Variants in C3 observed in about 807,000 individuals in gnomAD.
C3 encodes the protein complement C3, also known as C3 and PZP-like alpha-2-macroglobulin domain-containing protein 1.
Under a neutral mutation model 207.9 loss-of-function variants are expected in C3, and 97 were observed. That is an observed-to-expected ratio of 0.47 (90% confidence interval 0.40 to 0.55). The LOEUF is 0.55. C3 is among the 20% of genes least tolerant of loss of function. The pLI is 0.00. For missense variants in C3, 1,684 were observed against 2,171.7 expected (o/e 0.78, Z 4.46); for synonymous variants, 848 against 857.6 (o/e 0.99, Z 0.20).
At chr19:6,693,277 G>A (rs985371314) in intron 25 of C3, 135 bp downstream of exon 25, 4 of 1,086,486 alleles carry the variant, frequency 3.7e-6, no homozygotes, top group East Asian at 5.1e-5. Flanking sequence ...CTCAGCCAGC[G>A]CTTGCCTGGA....
At chr19:6,687,411 G>C (rs1390788946) in intron 27 of C3, among the ~76,000 whole-genome samples, 1 of 152,036 alleles carries the variant, frequency 6.6e-6, no homozygotes, top group Non-Finnish European at 1.5e-5. Context: ...CACTTACTTT[G>C]TGTCATTCAG....
chr19:6,709,615 A>ACCCCCCCCCCCCCCCCCCCC, intron 14 of C3, 69 bp downstream of exon 14: 1 of 403,612 alleles, frequency 2.5e-6, no homozygotes, highest in South Asian at 2.5e-5. Flanking sequence ...CTCCAGTCCC[A>ACCCCCCCCCCCCCCCCCCCC]CCCACCTCCC....
chr19:6,689,335 C>A (rs141412883), intron 27 of C3, among the ~76,000 whole-genome samples: 18,450 of 59,128 alleles, frequency 0.31, 2,991 homozygotes, highest in African/African-American at 0.4. Flanking sequence ...CTACCTCCCT[C>A]CCTCCCTCCC....
chr19:6,714,147 C>A lies in C3; in HGVS notation c.682+19G>T. ...AGGCGTTCTGGGCACTGACTCCCCC[C>A]AGCCCCTCCTCCTCTTACCGTACTC... On this transcript the variant is annotated intron_variant, in intron 6 of 40. Coordinates refer to ENST00000245907, the MANE Select transcript of C3 (RefSeq NM_000064.4). 1.2e-6 allele frequency: 2 copies of A among 1,612,910 alleles called. No individual in the cohort carries two copies. Among genetic ancestry groups the A allele is most frequent in the Middle Eastern group, 1.7e-4 (1 of 6,054 alleles).
chr19:6,700,615 AAT>A (rs1199755371), intron 19 of C3, among the ~76,000 whole-genome samples: 1 of 48,072 alleles, frequency 2.1e-5, no homozygotes, highest in South Asian at 7.1e-4. Flanking sequence ...TTATATATGT[AAT>A]ATATAATATA....
At position 6,697,380 on chromosome 19, in the gene C3, G is replaced by T; in HGVS notation, c.2760C>A (p.Phe920Leu). 3 of 1,614,100 alleles carry T rather than the reference G, an allele frequency of 1.9e-6. No individual in the cohort carries two copies. The highest frequency in any genetic ancestry group is 2.5e-6 in the Non-Finnish European group (3 of 1,180,002). ...GGGACTTCCTGACACCGTCACTGAT[G>T]AAATGATGGTAGACAGCAGCCTTGA... Reference protein sequence around the residue: ...VEVKAAVYHHFISDGVRKSLK... With the variant: ...VEVKAAVYHHLISDGVRKSLK... The change falls in exon 21 of 41, where the codon TTC (phenylalanine) becomes TTA (leucine). Residue 920 changes from phenylalanine (F) to leucine (L), a missense_variant. By Grantham distance (22) the Phe-to-Leu change is conservative (BLOSUM62 0). Around this residue, in one of 3 missense-constraint regions of C3, gnomAD observed 1,280 missense variants for 1,739.1 expected, o/e 0.74. Transcript: ENST00000245907.
intron 19 of C3, among the ~76,000 whole-genome samples, chr19:6,700,847 AATATT>A (rs1967658939): frequency 6.8e-6 from 1 of 146,626 alleles, no homozygotes; most frequent in African/African-American, 2.5e-5. Context: ...TATATAAATA[AATATT>A]ATAATTAAAT....
rs752376582 is a variant in C3 at position 6,702,099 on chromosome 19, C to T, written c.2440+28G>A. The T allele has an allele frequency of 1.1e-5, 15 of 1,323,376 alleles. No homozygotes were observed. The South Asian group carries it at 1.3e-4, about 11-fold the overall frequency. The allele number at this position is 1,323,376 out of a possible 1,614,324, so 82.0% of individuals were successfully genotyped here. A position where few individuals can be genotyped will look rare whatever the true frequency, so the allele number is the denominator to read the frequency against. On this transcript the variant is annotated intron_variant, in intron 19 of 40. Transcript: ENST00000245907. ...TCAGACACCCTGGGGTCCCTGCCTC[C>T]CGGGGACCAGCCAGCATCCTCTCTC...
At chr19:6,696,843 C>T (rs191268953) in intron 21 of C3, among the ~76,000 whole-genome samples, 184 bp from the exon 22 acceptor site, 188 of 151,540 alleles carry the variant, frequency 1.2e-3, no homozygotes, top group African/African-American at 4.3e-3. Flanking sequence ...AGATCGAGAC[C>T]ATCCTGGCTA....
rs1267686755 is a variant in C3 at position 6,708,047 on chromosome 19, C to T, written c.1846-118G>A. On this transcript the variant is annotated intron_variant, in intron 14 of 40. Coordinates refer to ENST00000245907, the MANE Select transcript of C3 (RefSeq NM_000064.4). Reference sequence around the variant, plus strand: ...CCCCACCCTGTCCCACTCTCATCTCCCCCATTCCTGCTTCTGCCCTTCCTT... The same window carrying T: ...CCCCACCCTGTCCCACTCTCATCTCTCCCATTCCTGCTTCTGCCCTTCCTT... 3.5e-6 allele frequency: 4 copies of T among 1,144,870 alleles called. No homozygotes were observed. The Admixed American group carries it at 5.5e-5, about 16-fold the overall frequency. The allele number at this position is 1,144,870 out of a possible 1,614,324, so 70.9% of individuals were successfully genotyped here.
chr19:6,694,807 G>C (rs905907482), intron 23 of C3, among the ~76,000 whole-genome samples, 173 bp from the exon 24 acceptor site: 15 of 152,134 alleles, frequency 9.9e-5, no homozygotes, highest in African/African-American at 3.4e-4. Context: ...GTGGCTGTTC[G>C]GGGGTCTGCA....
chr19:6,693,453 G>A lies in C3; in HGVS notation c.3189C>T (p.Ser1063=). Residue 1063 remains serine (S), a synonymous_variant, in exon 25 of 41, where the codon AGC becomes AGT. Coordinates refer to ENST00000245907, the MANE Select transcript of C3 (RefSeq NM_000064.4). ...GTTTCACGAAGGCCGCAAAGGCAGA[G>A]CTGGGTTGTCTGAAGGCCAGCTGCT... The part of the protein sequence containing the change: ...YTQQLAFRQP[S]SAFAAFVKRA... The A allele has an allele frequency of 1.2e-6, 2 of 1,612,790 alleles. No individual in the cohort carries two copies. Among genetic ancestry groups the A allele is most frequent in the South Asian group, 2.2e-5 (2 of 90,830 alleles).
Position 6,720,573 on chromosome 19 carries a change from C to G in C3, c.17G>C (p.Gly6Ala). 6.3e-7 allele frequency: 1 copy of G among 1,584,078 alleles called. No homozygotes were observed. Among genetic ancestry groups the G allele is most frequent in the East Asian group, 2.3e-5 (1 of 43,678 alleles). The change falls in exon 1 of 41, where the codon GGT becomes GCT. Residue 6 changes from glycine (G) to alanine (A), a missense_variant. Transcript: ENST00000245907. The stretch of plus-strand genomic sequence containing the variant: ...TAGTAGCAGGAGCAGCAGGCTGGGA[C>G]CTGAGGTGGGTCCCATGGTGCTGGG... Reference protein sequence around the residue: MGPTSGPSLLLLLLTH... With the variant: MGPTSAPSLLLLLLTH...
At chr19:6,711,426 G>A (rs1317610183) in intron 11 of C3, among the ~76,000 whole-genome samples, 1 of 152,164 alleles carries the variant, frequency 6.6e-6, no homozygotes, top group Non-Finnish European at 1.5e-5. Context: ...CAGAGACAGA[G>A]AGAAAGAGAG....
chr19:6,684,652 T>C lies in C3; in HGVS notation c.4030-2A>G, dbSNP rs113782618. The C allele has an allele frequency of 3.1e-6, 5 of 1,612,264 alleles. No individual in the cohort carries two copies. Among genetic ancestry groups the C allele is most frequent in the Non-Finnish European group, 3.4e-6 (4 of 1,178,378 alleles). On this transcript the variant is annotated splice_acceptor_variant, in intron 31 of 40. Transcript: ENST00000245907. LOFTEE classifies it high-confidence loss of function. ...CTTAGCATGGTACATTGTCACCACC[T>C]GGTAAGATGGGAGAGGAGACACAAT...
At position 6,696,594 on chromosome 19, in the gene C3, A is replaced by C; in HGVS notation, c.2862T>G (p.Arg954=). 1 of 1,613,418 alleles carries C rather than the reference A, an allele frequency of 6.2e-7. No homozygotes were observed. The highest frequency in any genetic ancestry group is 8.5e-7 in the Non-Finnish European group (1 of 1,179,752). Residue 954 remains arginine (R), a splice_region_variant and synonymous_variant, in exon 22 of 41, where the codon CGT becomes CGG. Coordinates refer to ENST00000245907, the MANE Select transcript of C3 (RefSeq NM_000064.4). ...CCCCTCCCCCTGCAGCCGACTCACC[A>C]CGGCCCAGGCGTTCTGGATCCAGGG... ...VRTLDPERLG[R]EGVQKEDIPP... is the part of the protein sequence containing the mutation.
At chr19:6,683,225 A>C (rs561299424) in intron 33 of C3, 1 of 152,288 alleles carries the variant, frequency 6.6e-6, no homozygotes, top group East Asian at 1.9e-4. Context: ...CAAGGTACTA[A>C]GGCATAGAAA....
In C3 at chr19:6,693,421, G is replaced by C; in HGVS notation, c.3221C>G (p.Pro1074Arg). Residue 1074 changes from proline to arginine, a missense_variant, in exon 25 of 41, where the codon CCC becomes CGC. Pro to Arg is a moderately radical substitution (Grantham distance 103). This residue lies in a region of C3 where 1,280 missense variants were observed against 1,739.1 expected (regional missense o/e 0.74). Coordinates refer to ENST00000245907, the MANE Select transcript of C3 (RefSeq NM_000064.4). ...GGCTGTTGGGACTCACCAGGTGCTG[G>C]GTGCCCGTTTCACGAAGGCCGCAAA... ...SAFAAFVKRAPSTWLTAYVVK... is the reference protein window; with the variant it reads ...SAFAAFVKRARSTWLTAYVVK... 6.2e-7 allele frequency: 1 copy of C among 1,610,684 alleles called. No homozygotes were observed. The highest frequency in any genetic ancestry group is 1.1e-5 in the South Asian group (1 of 90,402).
chr19:6,696,719 A>C (rs1967541659), intron 21 of C3, 60 bp from the exon 22 acceptor site: 1 of 1,501,784 alleles, frequency 6.7e-7, no homozygotes, highest in East Asian at 2.3e-5. Context: ...ACAGACACAC[A>C]GATGGTCAGC....
Sources: gnomAD v4.1 joint callset for allele counts (sites outside exome capture counted in the v4.1 genomes callset) on GRCh38, gnomAD v4.1.1 for gene constraint, gnomAD v4.1.1 regional missense constraint, MANE v1.5 for transcripts, NCBI Gene and HGNC (gene_info 2026-07-23, HGNC 2026-07-21) for gene names.